MGAT4C: variants seen among roughly 807,000 people sequenced by gnomAD.
MGAT4C encodes MGAT4 family member C.
A neutral mutation model predicts 40.1 loss-of-function variants in MGAT4C; 19 were observed. The ratio of observed to expected loss-of-function variants is 0.47; its 90% CI spans 0.33 to 0.70. The LOEUF is 0.70. Ranked by LOEUF, MGAT4C falls within the 30% of genes least tolerant of loss-of-function variation. MGAT4C has a pLI of 0.02. For missense variants in MGAT4C, 491 were observed against 563.2 expected (o/e 0.87, Z 1.30); for synonymous variants, 181 against 187.1 (o/e 0.97, Z 0.27).
At chr12:86,641,208 T>C (rs1317611555) in intron 2 of MGAT4C, among the ~76,000 whole-genome samples, 3 of 152,046 alleles carry the variant, frequency 2.0e-5, no homozygotes, top group South Asian at 2.1e-4. Context: ...GATGAGTTCA[T>C]GTCCTTTGTA....
intron 2 of MGAT4C, among the ~76,000 whole-genome samples, chr12:86,695,413 G>A (rs1259245001): frequency 1.3e-5 from 2 of 152,190 alleles, no homozygotes; most frequent in Non-Finnish European, 2.9e-5. Context: ...CAATCCCACT[G>A]CTGAGTATAT....
intron 3 of MGAT4C, among the ~76,000 whole-genome samples, chr12:86,357,079 G>A (rs1026132068): frequency 6.6e-6 from 1 of 152,178 alleles, no homozygotes; most frequent in East Asian, 1.9e-4. Context: ...CCCAGTAGGG[G>A]CCGACTGACA....
exon 4 of MGAT4C, chr12:86,334,110 T>A (rs1954734924): frequency 6.6e-6 from 1 of 152,192 alleles, no homozygotes; most frequent in African/African-American, 2.4e-5. Flanking sequence ...GAATCAGGGC[T>A]GTGCTTTCTG....
intron 1 of MGAT4C, among the ~76,000 whole-genome samples, chr12:86,188,192 T>C (rs1365903069): frequency 6.6e-6 from 1 of 152,048 alleles, no homozygotes; most frequent in Non-Finnish European, 1.5e-5. Flanking sequence ...TGATTAAGAA[T>C]TCTAGTGATT....
chr12:86,290,104 T>C lies in MGAT4C; in HGVS notation c.-57+43961A>G, dbSNP rs374253332. The stretch of plus-strand genomic sequence containing the variant: ...CTCTGTCACCCATGCTGGAGTGTAG[T>C]GGTGCGATCTCTGCTCACGGCAACC... On this transcript the variant is annotated intron_variant, in intron 4 of 7. Transcript: ENST00000548651. 7.9e-5 allele frequency among the ~76,000 whole-genome samples: 12 copies of C among 152,078 alleles called. No individual in the cohort carries two copies. The East Asian group carries it at 2.3e-3, about 29-fold the overall frequency.
chr12:86,006,284 A>G (rs562626129), intron 2 of MGAT4C, among the ~76,000 whole-genome samples: 1 of 152,130 alleles, frequency 6.6e-6, no homozygotes, highest in Non-Finnish European at 1.5e-5. Flanking sequence ...GCTCAAATCA[A>G]GATGTCTTCT....
intron 4 of MGAT4C, among the ~76,000 whole-genome samples, chr12:86,317,146 A>C (rs2136157024): frequency 6.6e-6 from 1 of 152,240 alleles, no homozygotes; most frequent in African/African-American, 2.4e-5. Context: ...TTATACTTTC[A>C]ACTTTTATAG....
At chr12:86,114,291 C>T (rs146898085) in intron 1 of MGAT4C, among the ~76,000 whole-genome samples, 1 of 151,866 alleles carries the variant, frequency 6.6e-6, no homozygotes, top group African/African-American at 2.4e-5. Flanking sequence ...ATCTGGTGTA[C>T]CTCACAAGTC....
intron 2 of MGAT4C, among the ~76,000 whole-genome samples, chr12:86,663,353 C>CAAA (rs58562873): frequency 8.6e-4 from 38 of 44,422 alleles, no homozygotes; most frequent in African/African-American, 1.2e-3. Context: ...TCCTCTGTCT[C>CAAA]AAAAAAAAAA....
At chr12:86,417,310 T>C (rs1056136427) in intron 3 of MGAT4C, among the ~76,000 whole-genome samples, 1 of 152,124 alleles carries the variant, frequency 6.6e-6, no homozygotes, top group Non-Finnish European at 1.5e-5. Flanking sequence ...ATGACCACAG[T>C]GTTCTTCAGT....
intron 2 of MGAT4C, among the ~76,000 whole-genome samples, chr12:86,620,413 A>G (rs543942045): frequency 6.6e-6 from 1 of 152,264 alleles, no homozygotes; most frequent in African/African-American, 2.4e-5. Flanking sequence ...GTCTTTTGCA[A>G]CAACATGAAT....
rs1883433626 is a variant in MGAT4C, at chr12:85,967,769, T to C, written c.*11520A>G. 1 of 152,082 alleles carries C rather than the reference T, an allele frequency of 6.6e-6. No individual in the cohort carries two copies. The highest frequency in any genetic ancestry group is 2.4e-5 in the African/African-American group (1 of 41,446). 9.4% of individuals were successfully genotyped at this position (152,082 alleles called of 1,614,324 possible). On this transcript the variant is annotated 3_prime_UTR_variant, in exon 5 of 5. Transcript: ENST00000611864. ...CCAGAAATGACTGAGAAATTTTGAG[T>C]TGGAATTGATATAGGGGAATCCTTG... is the stretch of plus-strand genomic sequence containing the variant.
chr12:86,406,328 A>G (rs1194565654), intron 3 of MGAT4C, among the ~76,000 whole-genome samples: 1 of 151,650 alleles, frequency 6.6e-6, no homozygotes, highest in East Asian at 1.9e-4. Flanking sequence ...AGTGGAGAAA[A>G]ATACTTGTAA....
At chr12:86,375,492 A>G (rs1955807037) in intron 3 of MGAT4C, among the ~76,000 whole-genome samples, 1 of 152,064 alleles carries the variant, frequency 6.6e-6, no homozygotes, top group Non-Finnish European at 1.5e-5. Context: ...CTTTATAGTT[A>G]ACCTAATCAA....
chr12:85,988,911 T>C (rs890141662), intron 3 of MGAT4C, among the ~76,000 whole-genome samples: 4 of 152,002 alleles, frequency 2.6e-5, no homozygotes, highest in African/African-American at 9.6e-5. Context: ...TCTAGGTCTA[T>C]TCAAAATTCA....
At chr12:86,483,388 A>C (rs1055720669) in intron 2 of MGAT4C, among the ~76,000 whole-genome samples, 2 of 152,126 alleles carry the variant, frequency 1.3e-5, no homozygotes, top group African/African-American at 4.8e-5. Flanking sequence ...TATTTAATAA[A>C]TAACATTTTA....
intron 2 of MGAT4C, among the ~76,000 whole-genome samples, chr12:86,507,551 C>T (rs961167217): frequency 3.3e-5 from 5 of 152,160 alleles, no homozygotes; most frequent in Non-Finnish European, 1.5e-5. Flanking sequence ...TTCCTTGCCA[C>T]TTGTCCAAAG....
intron 2 of MGAT4C, among the ~76,000 whole-genome samples, chr12:86,488,644 C>T (rs1273408387): frequency 2.0e-5 from 3 of 151,956 alleles, no homozygotes; most frequent in South Asian, 2.1e-4. Context: ...CAATAAGAAC[C>T]TCAATTCTAA....
chr12:86,430,000 T>G (rs1312463814), intron 3 of MGAT4C, among the ~76,000 whole-genome samples: 1 of 152,192 alleles, frequency 6.6e-6, no homozygotes, highest in Admixed American at 6.5e-5. Context: ...TCAAATGTTC[T>G]GTCTTTCAAC....
Sources: gnomAD v4.1 joint callset for allele counts (sites outside exome capture counted in the v4.1 genomes callset) on GRCh38, gnomAD v4.1.1 for gene constraint, MANE v1.5 for transcripts, NCBI Gene and HGNC (gene_info 2026-07-23, HGNC 2026-07-21) for gene names.